Variants in XPNPEP3 observed in about 807,000 individuals in gnomAD.
XPNPEP3 encodes X-prolyl aminopeptidase 3, also known as xaa-Pro aminopeptidase 3.
XPNPEP3 carries 41 observed loss-of-function variants against 60.0 expected under a neutral mutation model. The ratio of observed to expected loss-of-function variants is 0.68; its 90% confidence interval spans 0.53 to 0.89. The LOEUF (loss-of-function observed/expected upper bound fraction) is 0.89, where lower values mean the gene tolerates loss of function less well. Ranked by LOEUF, XPNPEP3 falls within the 40% of genes least tolerant of loss-of-function variation. The probability of loss-of-function intolerance (pLI) is 0.00; values close to 1 mark genes in which losing one functional copy is unlikely to be tolerated. For synonymous variants in XPNPEP3, 212 were observed against 223.2 expected (o/e 0.95, Z 0.45); for missense variants, 598 against 638.9 (o/e 0.94, Z 0.69).
At chr22:40,908,881 G>T (rs2058166247) in intron 5 of XPNPEP3, among the ~76,000 whole-genome samples, 1 of 152,106 alleles carries the variant, frequency 6.6e-6, no homozygotes, top group Non-Finnish European at 1.5e-5. Context: ...TAATAATAGG[G>T]TTGAAATAAC....
intron 4 of XPNPEP3, among the ~76,000 whole-genome samples, chr22:40,900,117 C>T (rs1267539211): frequency 6.6e-6 from 1 of 151,788 alleles, no homozygotes; most frequent in African/African-American, 2.4e-5. Context: ...AACTTAAGAG[C>T]TCAAATTATA....
At chr22:40,917,425 G>C (rs946654982) in intron 7 of XPNPEP3, 3 of 151,554 alleles carry the variant, frequency 2.0e-5, no homozygotes, top group Non-Finnish European at 4.4e-5. Context: ...AAAACACAAG[G>C]AATAGGGAGT....
At chr22:40,893,089 A>G (rs1220040280) in intron 4 of XPNPEP3, among the ~76,000 whole-genome samples, 2 of 147,224 alleles carry the variant, frequency 1.4e-5, no homozygotes, top group African/African-American at 2.5e-5. Context: ...TATATTATAT[A>G]TTTAGTTTAT....
rs2058025266 is a variant in XPNPEP3, at chr22:40,875,698, GTATAAATAC to G, written c.182-6069_182-6061del. Among the ~76,000 whole-genome samples, 12 of 152,054 alleles carry G rather than the reference GTATAAATAC, an allele frequency of 7.9e-5. No individual in the cohort carries two copies. In the South Asian group the frequency reaches 2.5e-3, roughly 32 times the overall value. ...TGAAATATAATAAAGTTTTCATGTA[GTATAAATAC>G]TAGAAAATTAAAAATAAATGACTTG... On this transcript the variant is annotated intron_variant, in intron 2 of 9. Coordinates refer to ENST00000357137, the MANE Select transcript of XPNPEP3 (RefSeq NM_022098.4).
At chr22:40,897,308 G>A (rs1345210425) in intron 4 of XPNPEP3, among the ~76,000 whole-genome samples, 4 of 152,060 alleles carry the variant, frequency 2.6e-5, no homozygotes, top group African/African-American at 9.7e-5. Flanking sequence ...GATAACAGGC[G>A]TAATCCACCG....
At chr22:40,909,094 T>C in intron 5 of XPNPEP3, 28 bp from the exon 6 acceptor site, 1 of 1,607,014 alleles carries the variant, frequency 6.2e-7, no homozygotes, top group Non-Finnish European at 8.5e-7. Context: ...AGAAACCCTT[T>C]GTCATACCTT....
intron 4 of XPNPEP3, among the ~76,000 whole-genome samples, chr22:40,904,840 C>G (rs2058148488): frequency 6.6e-6 from 1 of 152,146 alleles, no homozygotes; most frequent in Non-Finnish European, 1.5e-5. Flanking sequence ...TCTCAGCTCA[C>G]TGCCACCTCC....
intron 7 of XPNPEP3, among the ~76,000 whole-genome samples, chr22:40,919,610 T>C (rs2058209069): frequency 6.6e-6 from 1 of 152,194 alleles, no homozygotes; most frequent in South Asian, 2.1e-4. Context: ...AACGATTCTC[T>C]TGCCTTGGCC....
At position 40,859,356 on chromosome 22, in the gene XPNPEP3, TTAAATC is replaced by T. The variant is rs762002920; in HGVS notation, c.64+2117_64+2122del. Among the ~76,000 whole-genome samples the T allele has an allele frequency of 1.5e-4, 23 of 152,332 alleles. No individual in the cohort carries two copies. In the East Asian group the frequency reaches 3.5e-3, roughly 23 times the overall value. ...AATTTTAAGCTATTGAGTAAGATGATTAAATCTAAATTTTTGGTTTTCTGTTAAGAG... is the reference window on the plus strand; with the variant it reads ...AATTTTAAGCTATTGAGTAAGATGATTAAATTTTTGGTTTTCTGTTAAGAG... On this transcript the variant is annotated intron_variant, in intron 1 of 9. Transcript: ENST00000357137.
intron 2 of XPNPEP3, among the ~76,000 whole-genome samples, chr22:40,875,947 G>A (rs1209873992): frequency 6.6e-6 from 1 of 152,032 alleles, no homozygotes; most frequent in African/African-American, 2.4e-5. Context: ...TTGAACCCAG[G>A]AGTCAGAGGT....
At chr22:40,896,527 C>T (rs1003270271) in intron 4 of XPNPEP3, among the ~76,000 whole-genome samples, 18 of 151,672 alleles carry the variant, frequency 1.2e-4, no homozygotes, top group African/African-American at 2.7e-4. Flanking sequence ...ATTAGCCGGG[C>T]GTGGGACACA....
intron 2 of XPNPEP3, among the ~76,000 whole-genome samples, chr22:40,870,619 A>G (rs1002197645): frequency 6.6e-6 from 1 of 152,190 alleles, no homozygotes; most frequent in Non-Finnish European, 1.5e-5. Context: ...TTTTCTGCAG[A>G]CAAAAGTATC....
At chr22:40,878,829 C>G (rs1045919475) in intron 2 of XPNPEP3, among the ~76,000 whole-genome samples, 3 of 152,124 alleles carry the variant, frequency 2.0e-5, no homozygotes, top group African/African-American at 7.2e-5. Context: ...CTCAGGTGAT[C>G]TGCCTGCCTC....
In XPNPEP3 at chr22:40,929,876, T is replaced by TA. The variant is rs1447145076; in HGVS notation, c.*3442dup. 2 of 152,216 alleles carry TA rather than the reference T, an allele frequency of 1.3e-5. No individual in the cohort carries two copies. The highest frequency in any genetic ancestry group is 2.4e-5 in the African/African-American group (1 of 41,458). The allele number at this position is 152,216 out of a possible 1,614,324, so 9.4% of individuals were successfully genotyped here. On this transcript the variant is annotated 3_prime_UTR_variant, in exon 10 of 10. Transcript: ENST00000357137. Reference sequence around the variant, plus strand: ...TAATACAGAGAATGCTATTAACTGTTACTGGATATCAAATAATTTTATTTT... The same window carrying TA: ...TAATACAGAGAATGCTATTAACTGTTAACTGGATATCAAATAATTTTATTTT...
chr22:40,879,382 C>G (rs1346877249), intron 2 of XPNPEP3, among the ~76,000 whole-genome samples: 1 of 152,108 alleles, frequency 6.6e-6, no homozygotes, highest in Non-Finnish European at 1.5e-5. Context: ...ACAGAATTTG[C>G]TGGTGAGATA....
At chr22:40,913,809 A>G (rs1486631434) in intron 6 of XPNPEP3, among the ~76,000 whole-genome samples, 1 of 152,034 alleles carries the variant, frequency 6.6e-6, no homozygotes, top group African/African-American at 2.4e-5. Context: ...GTAGATAAAT[A>G]GAAGAAACCA....
At chr22:40,871,532 C>G (rs911724012) in intron 2 of XPNPEP3, among the ~76,000 whole-genome samples, 1 of 152,130 alleles carries the variant, frequency 6.6e-6, no homozygotes, top group Non-Finnish European at 1.5e-5. Flanking sequence ...TACGCAAGTT[C>G]TATACATACA....
chr22:40,916,964 G>A (rs374850096), intron 7 of XPNPEP3: 1 of 152,186 alleles, frequency 6.6e-6, no homozygotes, highest in Non-Finnish European at 1.5e-5. Flanking sequence ...TGTAGTCCCA[G>A]CTACTCAAGA....
chr22:40,859,677 G>A (rs1032901659), intron 1 of XPNPEP3: 26 of 151,990 alleles, frequency 1.7e-4, no homozygotes, highest in African/African-American at 6.3e-4. Context: ...ATCAAATACC[G>A]ATACAAAACA....
Sources: allele counts gnomAD v4.1 joint callset (sites outside exome capture counted in the v4.1 genomes callset), GRCh38; gene constraint gnomAD v4.1.1; transcripts MANE v1.5; gene names NCBI Gene and HGNC (gene_info 2026-07-23, HGNC 2026-07-21).